The following ANKFN1 variants were observed in gnomAD, a reference collection of about 807,000 sequenced individuals.
The protein encoded by ANKFN1 is ankyrin repeat and fibronectin type-III domain-containing protein 1.
In ANKFN1, 74 loss-of-function variants were observed where a neutral mutation model predicts 108.7. That is an observed-to-expected ratio of 0.68 (90% confidence interval 0.56 to 0.83). The LOEUF (loss-of-function observed/expected upper bound fraction) is 0.83, where lower values mean the gene tolerates loss of function less well. Among genes scored for constraint, ANKFN1 ranks in the 40% least tolerant of loss-of-function variants. The pLI is 0.00. For synonymous variants in ANKFN1, 547 were observed against 516.2 expected (o/e 1.06, Z -0.81); for missense variants, 1,505 against 1,382.3 (o/e 1.09, Z -1.41).
chr17:56,352,752 C>T (rs898529579), intron 5 of ANKFN1, among the ~76,000 whole-genome samples: 1 of 152,192 alleles, frequency 6.6e-6, no homozygotes, highest in Non-Finnish European at 1.5e-5. Flanking sequence ...CACTTGGACT[C>T]CTCATCTCAG....
chr17:56,368,124 C>T, intron 6 of ANKFN1: 3 of 1,250,642 alleles, frequency 2.4e-6, no homozygotes, highest in Non-Finnish European at 3.2e-6. Context: ...TGACAATGAG[C>T]CTGATCACTA....
intron 3 of ANKFN1, among the ~76,000 whole-genome samples, chr17:56,317,909 C>T (rs1003457249): frequency 3.3e-5 from 5 of 152,158 alleles, no homozygotes; most frequent in African/African-American, 1.2e-4. Context: ...TTTGAAGATG[C>T]TTACCCTTCC....
chr17:56,119,703 C>T (rs80138734), intron 4 of ANKFN1, among the ~76,000 whole-genome samples: 3,552 of 152,196 alleles, frequency 0.023, 121 homozygotes, highest in African/African-American at 0.081. Flanking sequence ...ATTTTGCCTG[C>T]ACCTTTTGTG....
At chr17:56,280,006 G>GTTTTTTTTTTTTTTTTTTTTTTTT (rs2044030329) in intron 3 of ANKFN1, among the ~76,000 whole-genome samples, 4 of 138,328 alleles carry the variant, frequency 2.9e-5, no homozygotes, top group African/African-American at 1.2e-4. Context: ...GCCACATAAT[G>GTTTTTTTTTTTTTTTTTTTTTTTT]TCTTTTTTTT....
intron 4 of ANKFN1, among the ~76,000 whole-genome samples, chr17:56,094,488 T>G (rs1170364950): frequency 1.5e-5 from 2 of 129,108 alleles, no homozygotes; most frequent in Non-Finnish European, 3.2e-5. Flanking sequence ...TTTTTTTTTT[T>G]TTTTTTTTTT....
At chr17:56,455,827 C>A (rs1290809652) in intron 11 of ANKFN1, among the ~76,000 whole-genome samples, 10 of 152,220 alleles carry the variant, frequency 6.6e-5, no homozygotes, top group Non-Finnish European at 2.9e-5. Flanking sequence ...GTAGTGCCCC[C>A]AATAAATATT....
At chr17:56,075,041 G>A (rs760073395) in intron 4 of ANKFN1, among the ~76,000 whole-genome samples, 6 of 152,190 alleles carry the variant, frequency 3.9e-5, no homozygotes, top group Non-Finnish European at 8.8e-5. Flanking sequence ...GATTAAAAAT[G>A]ATATGGAACT....
Position 56,516,965 on chromosome 17 carries a change from G to T in ANKFN1, c.*5696G>T, listed in dbSNP as rs1333380591. Among the ~76,000 whole-genome samples, 1 of 151,974 alleles carries T rather than the reference G, an allele frequency of 6.6e-6. No homozygotes were observed. The highest frequency in any genetic ancestry group is 1.9e-4 in the East Asian group (1 of 5,186). ...TAAGGGACAGTTTCCAAGCCCATTTGTCTTAAGTGTGGAAAAATGTTGATT... is the reference window on the plus strand; with the variant it reads ...TAAGGGACAGTTTCCAAGCCCATTTTTCTTAAGTGTGGAAAAATGTTGATT... On this transcript the variant is annotated 3_prime_UTR_variant, in exon 21 of 21. Coordinates refer to ENST00000682825, the MANE Select transcript of ANKFN1 (RefSeq NM_001370326.1).
chr17:56,396,982 A>G (rs1306004153), intron 8 of ANKFN1, among the ~76,000 whole-genome samples: 1 of 152,144 alleles, frequency 6.6e-6, no homozygotes, highest in Non-Finnish European at 1.5e-5. Flanking sequence ...AGTATATGAA[A>G]TAATATCAAA....
At chr17:56,144,936 CTT>C (rs373302760) in intron 4 of ANKFN1, among the ~76,000 whole-genome samples, 2 of 150,854 alleles carry the variant, frequency 1.3e-5, no homozygotes, top group African/African-American at 4.9e-5. Flanking sequence ...TTCTCTTACC[CTT>C]TTTTTTTTCT....
intron 4 of ANKFN1, among the ~76,000 whole-genome samples, chr17:56,144,547 T>C (rs1371361243): frequency 6.6e-6 from 1 of 152,182 alleles, no homozygotes; most frequent in Admixed American, 6.5e-5. Context: ...GTCCCTAGAA[T>C]GAGAGTTCCA....
At chr17:56,477,281 A>G (rs2050532927) in intron 15 of ANKFN1, among the ~76,000 whole-genome samples, 1 of 152,130 alleles carries the variant, frequency 6.6e-6, no homozygotes, top group African/African-American at 2.4e-5. Flanking sequence ...TTAAAAACTG[A>G]TTACCTGGCC....
chr17:56,328,139 G>A (rs2045571957), intron 4 of ANKFN1, among the ~76,000 whole-genome samples: 1 of 152,174 alleles, frequency 6.6e-6, no homozygotes, highest in Non-Finnish European at 1.5e-5. Context: ...ACGACCCCAA[G>A]ATCCCAAAGA....
chr17:56,230,594 C>T (rs1224939992), intron 3 of ANKFN1, among the ~76,000 whole-genome samples: 2 of 152,082 alleles, frequency 1.3e-5, no homozygotes, highest in Non-Finnish European at 2.9e-5. Context: ...GGCCAGGTCA[C>T]TGCTCTGGAA....
At chr17:56,097,886 T>C (rs768216008) in intron 4 of ANKFN1, among the ~76,000 whole-genome samples, 1 of 152,228 alleles carries the variant, frequency 6.6e-6, no homozygotes, top group Non-Finnish European at 1.5e-5. Context: ...ATATTATTTC[T>C]CATATTCGGG....
chr17:56,121,187 A>T (rs1238523506), intron 4 of ANKFN1, among the ~76,000 whole-genome samples: 2 of 151,684 alleles, frequency 1.3e-5, no homozygotes, highest in African/African-American at 4.8e-5. Context: ...AAAAGATCTT[A>T]TTCCAAGCAG....
chr17:56,316,418 G>T (rs1163390622), intron 3 of ANKFN1, among the ~76,000 whole-genome samples: 4 of 152,048 alleles, frequency 2.6e-5, no homozygotes, highest in Admixed American at 1.3e-4. Flanking sequence ...GAGCAATTTG[G>T]CAGGAGACTG....
chr17:56,066,201 T>A (rs1905056371), intron 4 of ANKFN1, among the ~76,000 whole-genome samples: 1 of 152,232 alleles, frequency 6.6e-6, no homozygotes, highest in South Asian at 2.1e-4. Flanking sequence ...CTCCCATTCC[T>A]GGTAGTGCTC....
chr17:56,190,263 TG>T (rs1362133267), intron 1 of ANKFN1, among the ~76,000 whole-genome samples: 2 of 134,942 alleles, frequency 1.5e-5, no homozygotes, highest in African/African-American at 5.7e-5. Flanking sequence ...AGCTTTTGAA[TG>T]TGTTTGCTCT....
Sources: gnomAD v4.1 joint callset for allele counts (sites outside exome capture counted in the v4.1 genomes callset) on GRCh38, gnomAD v4.1.1 for gene constraint, MANE v1.5 for transcripts, NCBI Gene and HGNC (gene_info 2026-07-23, HGNC 2026-07-21) for gene names.